RSF1: variants seen among roughly 807,000 people sequenced by gnomAD.
The protein encoded by RSF1 is remodeling and spacing factor 1.
RSF1 carries 13 observed loss-of-function variants against 145.2 expected under a neutral mutation model. The observed-to-expected ratio is 0.09, with a 90% CI of 0.06 to 0.14. The LOEUF is 0.14. RSF1 is among the 10% of genes least tolerant of loss of function. RSF1 has a pLI of 1.00. For missense variants in RSF1, 1,517 were observed against 1,718.2 expected, an observed-to-expected ratio of 0.88 and a Z score of 2.07; for synonymous variants, 577 against 592.6, an observed-to-expected ratio of 0.97 and a Z score of 0.38.
At chr11:77,850,151 T>C in the RSF1 span, among the ~76,000 whole-genome samples, 2 of 152,236 alleles carry the variant, frequency 1.3e-5, no homozygotes, top group Non-Finnish European at 2.9e-5. Context: ...GTTAATGTTA[T>C]AATTCCTTTT....
At chr11:77,709,392 C>T (rs534688302) in intron 5 of RSF1, among the ~76,000 whole-genome samples, 24 of 152,300 alleles carry the variant, frequency 1.6e-4, no homozygotes, top group Non-Finnish European at 2.9e-4. Context: ...GCTACATTCA[C>T]AATACTGAAG....
At chr11:77,751,878 T>C (rs142285801) in intron 2 of RSF1, among the ~76,000 whole-genome samples, 113 of 152,368 alleles carry the variant, frequency 7.4e-4, no homozygotes, top group Middle Eastern at 6.8e-3. Context: ...TGTCAGGCTT[T>C]ATCTTTCACA....
At chr11:77,833,177 TG>T in the RSF1 span, among the ~76,000 whole-genome samples, 7 of 151,648 alleles carry the variant, frequency 4.6e-5, no homozygotes, top group African/African-American at 1.5e-4. Flanking sequence ...ACCCAGCTAA[TG>T]TTTGCATTTT....
intron 5 of RSF1, among the ~76,000 whole-genome samples, chr11:77,710,159 TA>T (rs201806358): frequency 0.013 from 1,930 of 151,596 alleles, 44 homozygotes; most frequent in African/African-American, 0.043. Context: ...TTTTTTAAAT[TA>T]AAAAAAAATT....
At chr11:77,735,081 G>A (rs1025776959) in intron 4 of RSF1, 60 of 1,002,774 alleles carry the variant, frequency 6.0e-5, no homozygotes, top group Non-Finnish European at 8.0e-5. Flanking sequence ...GCGCTGGGGC[G>A]GCGGCAGGGG....
intron 1 of RSF1, among the ~76,000 whole-genome samples, chr11:77,775,766 CTTTG>C (rs897375331): frequency 2.0e-5 from 3 of 152,196 alleles, no homozygotes; most frequent in Admixed American, 6.5e-5. Flanking sequence ...GACCCTGTTT[CTTTG>C]TTTGTTTGTT....
rs619818 is a variant in RSF1 at position 77,801,013 on chromosome 11, A to T, written c.187+19515T>A. Among the ~76,000 whole-genome samples, 67 of 101,612 alleles carry T rather than the reference A, an allele frequency of 6.6e-4. No individual in the cohort carries two copies. In the South Asian group the frequency reaches 7.0e-3, roughly 11 times the overall value. The allele number at this position is 101,612 out of a possible 152,430, so 66.7% of individuals were successfully genotyped here. ...GAGCCAGGCCTTCTCTCTCTCTCTC[A>T]AAAAAAAAAAGAATTAATTCCAATC... On this transcript the variant is annotated intron_variant, in intron 1 of 15. Coordinates refer to ENST00000308488, the MANE Select transcript of RSF1 (RefSeq NM_016578.4).
chr11:77,683,659 A>G, intron 11 of RSF1, 51 bp downstream of exon 11: 1 of 1,183,524 alleles, frequency 8.4e-7, no homozygotes. Flanking sequence ...CATGCTGTGT[A>G]CTTGCAAAAT....
At chr11:77,786,177 T>C (rs2135961596) in intron 1 of RSF1, among the ~76,000 whole-genome samples, 1 of 152,178 alleles carries the variant, frequency 6.6e-6, no homozygotes, top group South Asian at 2.1e-4. Flanking sequence ...ACCCAGCTAA[T>C]ACTAAAAATC....
chr11:77,868,994 T>C, the RSF1 span: 2,575 of 311,006 alleles, frequency 8.3e-3, 120 homozygotes, highest in East Asian at 0.12. Context: ...CGTTGGGTAA[T>C]ACCGTAGACT....
At chr11:77,686,024 A>G (rs1959994803) in intron 9 of RSF1, among the ~76,000 whole-genome samples, 1 of 152,172 alleles carries the variant, frequency 6.6e-6, no homozygotes. Context: ...ACAGCTGAAG[A>G]TAACTAGAGC....
In RSF1 at chr11:77,736,528, T is replaced by C. The variant is rs185546778; in HGVS notation, c.578+4203A>G. Among the ~76,000 whole-genome samples the C allele has an allele frequency of 1.8e-3, 276 of 152,366 alleles. 2 individuals carry two copies. Among genetic ancestry groups the C allele is most frequent in the South Asian group, 5.8e-3 (28 of 4,832 alleles). On this transcript the variant is annotated intron_variant, in intron 4 of 15. Coordinates refer to ENST00000308488, the MANE Select transcript of RSF1 (RefSeq NM_016578.4). Reference sequence around the variant, plus strand: ...TATATTAGTGACAACTAAGATCTTATCTTTATGAGGAGGCAAAAATTATTA... The same window carrying C: ...TATATTAGTGACAACTAAGATCTTACCTTTATGAGGAGGCAAAAATTATTA...
At chr11:77,686,839 C>A (rs1960023354) in intron 9 of RSF1, among the ~76,000 whole-genome samples, 1 of 152,110 alleles carries the variant, frequency 6.6e-6, no homozygotes, top group African/African-American at 2.4e-5. Context: ...ATGGTAAAGA[C>A]CACATTATAT....
chr11:77,822,689 T>C (rs1246719490), upstream of RSF1, among the ~76,000 whole-genome samples: 1 of 152,290 alleles, frequency 6.6e-6, no homozygotes, highest in South Asian at 2.1e-4. Context: ...ATTTATTGCC[T>C]TGAATAGTGA....
intron 2 of RSF1, among the ~76,000 whole-genome samples, chr11:77,751,634 T>C (rs1176759390): frequency 1.3e-5 from 2 of 152,210 alleles, no homozygotes; most frequent in Non-Finnish European, 2.9e-5. Flanking sequence ...TTAATGCTAC[T>C]TAGAAGACAG....
In RSF1 at chr11:77,776,580, A is replaced by G. The variant is rs370723890; in HGVS notation, c.188-11891T>C. On this transcript the variant is annotated intron_variant, in intron 1 of 15. Coordinates refer to ENST00000308488, the MANE Select transcript of RSF1 (RefSeq NM_016578.4). The stretch of plus-strand genomic sequence containing the variant: ...GTTATTTCAATAAATTAGAAAATGT[A>G]TATGATGTACTTTATATATCATAAA... 2.6e-4 allele frequency among the ~76,000 whole-genome samples: 39 copies of G among 152,328 alleles called. No homozygotes were observed. The East Asian group carries it at 3.3e-3, about 13-fold the overall frequency.
chr11:77,869,331 T>TTA, the RSF1 span: 3 of 166,390 alleles, frequency 1.8e-5, no homozygotes, highest in Admixed American at 1.3e-4. Context: ...TTTTTTTTTT[T>TTA]AGATAGGGTC....
chr11:77,709,297 A>G (rs1708425795), intron 5 of RSF1, among the ~76,000 whole-genome samples: 1 of 152,192 alleles, frequency 6.6e-6, no homozygotes, highest in African/African-American at 2.4e-5. Flanking sequence ...TATACTATAT[A>G]TTTTATTTAC....
chr11:77,810,494 C>A (rs578063541), intron 1 of RSF1, among the ~76,000 whole-genome samples: 1 of 152,300 alleles, frequency 6.6e-6, no homozygotes, highest in African/African-American at 2.4e-5. Context: ...GACTACTGTT[C>A]CACTAAGTTT....
Sources: allele counts gnomAD v4.1 joint callset (sites outside exome capture counted in the v4.1 genomes callset), GRCh38; gene constraint gnomAD v4.1.1; transcripts MANE v1.5; gene names NCBI Gene and HGNC (gene_info 2026-07-23, HGNC 2026-07-21).